SGCD: variants seen among roughly 807,000 people sequenced by gnomAD.
SGCD encodes the protein sarcoglycan delta, also known as delta-sarcoglycan.
In SGCD, 18 loss-of-function variants were observed where a neutral mutation model predicts 36.6. The observed-to-expected ratio is 0.49, with a 90% confidence interval of 0.34 to 0.73. The LOEUF is 0.73. Among genes scored for constraint, SGCD ranks in the 30% least tolerant of loss-of-function variants. The pLI is 0.01. For synonymous variants in SGCD, 133 were observed against 130.6 expected (o/e 1.02, Z -0.12); for missense variants, 387 against 346.7 (o/e 1.12, Z -0.92).
intron 1 of SGCD, among the ~76,000 whole-genome samples, chr5:156,082,270 C>CAG (rs546336290): frequency 2.7e-5 from 1 of 37,244 alleles, no homozygotes. Context: ...GGCTGGTGGG[C>CAG]GGGGGGGTCC....
intron 1 of SGCD, among the ~76,000 whole-genome samples, chr5:156,025,432 G>C (rs141375329): frequency 6.6e-6 from 1 of 152,276 alleles, no homozygotes; most frequent in Non-Finnish European, 1.5e-5. Flanking sequence ...ACCACTCTCA[G>C]TCAAATTGTA....
chr5:156,448,498 T>G (rs1753843574), intron 3 of SGCD, among the ~76,000 whole-genome samples: 1 of 152,118 alleles, frequency 6.6e-6, no homozygotes, highest in Admixed American at 6.6e-5. Flanking sequence ...TGGAACAGCT[T>G]TGGCAATCCC....
Position 156,021,898 on chromosome 5 carries a change from A to G in SGCD, c.-281-95980A>G, listed in dbSNP as rs114351501. ...TTTATTCAGATGTAATTCACATGCTATACAGTTCATCCATTTAAAGTGTAT... is the reference window on the plus strand; with the variant it reads ...TTTATTCAGATGTAATTCACATGCTGTACAGTTCATCCATTTAAAGTGTAT... On this transcript the variant is annotated intron_variant, in intron 1 of 9. Coordinates refer to the SGCD transcript ENST00000517913. Among the ~76,000 whole-genome samples the G allele has an allele frequency of 1.9e-3, 293 of 152,292 alleles. 1 individual carries two copies. The highest frequency in any genetic ancestry group is 3.2e-3 in the Non-Finnish European group (218 of 68,022).
intron 3 of SGCD, among the ~76,000 whole-genome samples, chr5:156,424,877 A>C (rs1382565202): frequency 6.6e-6 from 1 of 152,048 alleles, no homozygotes; most frequent in East Asian, 1.9e-4. Context: ...TCAACAACTA[A>C]GTGTGACAAT....
intron 1 of SGCD, among the ~76,000 whole-genome samples, chr5:155,893,317 G>A (rs1343773566): frequency 6.6e-6 from 1 of 152,020 alleles, no homozygotes; most frequent in Non-Finnish European, 1.5e-5. Context: ...TGAAAATAAA[G>A]CTCTGGAGCT....
chr5:156,375,879 C>T (rs1160157017), intron 3 of SGCD, among the ~76,000 whole-genome samples: 1 of 152,070 alleles, frequency 6.6e-6, no homozygotes, highest in African/African-American at 2.4e-5. Context: ...ATTTATTTTG[C>T]TTTAAAATTT....
intron 7 of SGCD, among the ~76,000 whole-genome samples, chr5:156,650,470 T>G (rs776101492): frequency 1.4e-4 from 21 of 152,060 alleles, no homozygotes; most frequent in Non-Finnish European, 2.5e-4. Flanking sequence ...AATAGGTAGT[T>G]TTTCAGCCCT....
At chr5:156,334,010 C>A (rs1471074100) in intron 2 of SGCD, among the ~76,000 whole-genome samples, 1 of 151,610 alleles carries the variant, frequency 6.6e-6, no homozygotes, top group African/African-American at 2.4e-5. Flanking sequence ...CTTCACCTCC[C>A]TGAACCTTGT....
chr5:156,606,966 G>A (rs960932464), intron 6 of SGCD, among the ~76,000 whole-genome samples: 3 of 152,184 alleles, frequency 2.0e-5, no homozygotes, highest in Admixed American at 6.5e-5. Flanking sequence ...GGGGTTTTCT[G>A]GATATACAAT....
intron 4 of SGCD, among the ~76,000 whole-genome samples, chr5:156,579,684 T>C (rs1231728540): frequency 6.6e-6 from 1 of 152,184 alleles, no homozygotes; most frequent in Non-Finnish European, 1.5e-5. Flanking sequence ...CTTTGTCTCT[T>C]TTATTCTTTG....
At chr5:156,303,426 A>C (rs928343122) in intron 3 of SGCD, among the ~76,000 whole-genome samples, 1 of 152,076 alleles carries the variant, frequency 6.6e-6, no homozygotes, top group Non-Finnish European at 1.5e-5. Context: ...CAGGAGCCAC[A>C]GCTTAGAATC....
intron 1 of SGCD, among the ~76,000 whole-genome samples, chr5:155,933,947 A>C (rs552917202): frequency 1.3e-5 from 2 of 152,370 alleles, no homozygotes; most frequent in East Asian, 3.9e-4. Context: ...ACCAAGCTTA[A>C]CAAGAATGGA....
In SGCD at chr5:156,368,492, C is replaced by T. The variant is rs114180166; in HGVS notation, c.192+23815C>T. 7.9e-3 allele frequency among the ~76,000 whole-genome samples: 1,209 copies of T among 152,280 alleles called. 21 individuals carry two copies. The highest frequency in any genetic ancestry group is 0.027 in the African/African-American group (1,133 of 41,560). ...ACCTCTACCGTAGGAAGCAAGAAGA[C>T]AGGATTTTTTTGTTACTTGCAGTAC... On this transcript the variant is annotated intron_variant, in intron 3 of 8. Transcript: ENST00000337851.
At chr5:156,163,896 G>A (rs532623834) in intron 3 of SGCD, among the ~76,000 whole-genome samples, 29 of 150,210 alleles carry the variant, frequency 1.9e-4, no homozygotes, top group African/African-American at 4.7e-4. Flanking sequence ...GGTGGCACGC[G>A]CCTGTAGTCC....
rs753952200 is a variant in SGCD, at chr5:156,647,477, A to G, written c.516A>G (p.Thr172=). ...TTTTGTTTACAGGAGCGGAGGGCAC[A>G]GTGTTCCCTAAATCTATAGAAACAC... ...ERLRVLGAEG[T]VFPKSIETPN... The change falls in exon 7 of 9, where the codon ACA becomes ACG. Residue 172 remains threonine, a synonymous_variant. Transcript: ENST00000337851. The G allele has an allele frequency of 7.4e-5, 117 of 1,584,882 alleles. 2 individuals are homozygous for G. In the South Asian group the frequency reaches 1.2e-3, roughly 17 times the overall value.
rs34120629 is a variant in SGCD, at chr5:156,718,805, CAAAA to C, written c.576-38763_576-38760del. 3.5e-3 allele frequency among the ~76,000 whole-genome samples: 388 copies of C among 111,996 alleles called. 3 individuals carry two copies. The highest frequency in any genetic ancestry group is 0.017 in the Middle Eastern group (3 of 176). The allele number at this position is 111,996 out of a possible 152,430, so 73.5% of individuals were successfully genotyped here. A position where few individuals can be genotyped will look rare whatever the true frequency, so the allele number is the denominator to read the frequency against. ...CAACAAAGTGAGACCCTATTTCTAC[CAAAA>C]AAAAAAAAAAAATGAAAGAAAAAAA... On this transcript the variant is annotated intron_variant, in intron 7 of 8. Coordinates refer to ENST00000337851, the MANE Select transcript of SGCD (RefSeq NM_000337.6).
chr5:156,420,822 G>C (rs576334276), intron 3 of SGCD, among the ~76,000 whole-genome samples: 1 of 152,218 alleles, frequency 6.6e-6, no homozygotes, highest in South Asian at 2.1e-4. Context: ...GTGTTGACAA[G>C]ATGAAGAACC....
chr5:156,069,556 G>T (rs539570274), intron 1 of SGCD, among the ~76,000 whole-genome samples: 1 of 152,032 alleles, frequency 6.6e-6, no homozygotes, highest in East Asian at 1.9e-4. Context: ...GTCAGGTAGC[G>T]TGATGCCTCC....
rs1311477504 is a variant in SGCD at position 156,310,139 on chromosome 5, A to G, written c.-43-19395A>G. 3.9e-5 allele frequency among the ~76,000 whole-genome samples: 6 copies of G among 152,186 alleles called. No homozygotes were observed. The East Asian group carries it at 5.8e-4, about 15-fold the overall frequency. ...CTGCAAATTTACCTGGGCATGCATA[A>G]TGACTTTCTATATCCTCCCATACAT... On this transcript the variant is annotated intron_variant, in intron 3 of 9. Coordinates refer to the SGCD transcript ENST00000517913.
Sources: allele counts gnomAD v4.1 joint callset (sites outside exome capture counted in the v4.1 genomes callset), GRCh38; gene constraint gnomAD v4.1.1; transcripts MANE v1.5; gene names NCBI Gene and HGNC (gene_info 2026-07-23, HGNC 2026-07-21).